PCP2: variants seen among roughly 807,000 people sequenced by gnomAD.
PCP2 encodes the protein Purkinje cell protein 2 homolog.
PCP2 carries 21 observed loss-of-function variants against 18.3 expected under a neutral mutation model. The ratio of observed to expected loss-of-function variants is 1.14; its 90% CI spans 0.81 to 1.65. PCP2 has a LOEUF of 1.65. Ranked by LOEUF, PCP2 falls within the 40% of genes most tolerant of loss-of-function variation. The pLI, the probability that PCP2 is intolerant of heterozygous loss-of-function variation, is 0.00. For missense variants in PCP2, 202 were observed against 201.8 expected, an observed-to-expected ratio of 1.00 and a Z score of 0.00; for synonymous variants, 85 against 77.6, an observed-to-expected ratio of 1.10 and a Z score of -0.50.
chr19:7,634,259 T>C (rs1361621341), upstream of PCP2, among the ~76,000 whole-genome samples: 5 of 152,102 alleles, frequency 3.3e-5, no homozygotes, highest in Non-Finnish European at 1.5e-5. Flanking sequence ...TTTCCCTCAG[T>C]GCCCAAGCAG....
chr19:7,633,075 G>T, intron 1 of PCP2: 1 of 1,296,862 alleles, frequency 7.7e-7, no homozygotes, highest in South Asian at 1.5e-5. Flanking sequence ...ACCGCTTCAA[G>T]GGACAGGCTC....
chr19:7,636,276 A>T (rs534419879), upstream of PCP2: 1 of 152,152 alleles, frequency 6.6e-6, no homozygotes, highest in Non-Finnish European at 1.5e-5. Flanking sequence ...TCGCACCTTA[A>T]ATCGGAGACC....
chr19:7,631,785 C>G lies in PCP2; in HGVS notation c.315G>C (p.Gly105=), dbSNP rs150093748. Residue 105 remains glycine, a synonymous_variant, in exon 4 of 4, where the codon GGG becomes GGC. Transcript: ENST00000311069. The part of the protein sequence containing the change: ...GSKDGAQKRA[G]TLSPQPLLTP... ...TGAGCAGGGGTTGGGGACTGAGGGT[C>G]CCAGCTCGTTTCTGTGCTCCGTCCT... 1.3e-5 allele frequency: 18 copies of G among 1,416,800 alleles called. No homozygotes were observed. The highest frequency in any genetic ancestry group is 1.7e-5 in the Non-Finnish European group (18 of 1,081,092). The allele number at this position is 1,416,800 out of a possible 1,614,324, so 87.8% of individuals were successfully genotyped here.
chr19:7,633,096 C>T, intron 1 of PCP2: 1 of 1,166,172 alleles, frequency 8.6e-7, no homozygotes, highest in Non-Finnish European at 1.2e-6. Flanking sequence ...CGATGCGTGT[C>T]CCGCCGTCCT....
rs189368660 is a variant in PCP2, at chr19:7,632,826, C to A, written c.56G>T (p.Gly19Val). Residue 19 changes from glycine to valine, a missense_variant, in exon 2 of 4, where the codon GGC becomes GTC. Coordinates refer to ENST00000311069, the MANE Select transcript of PCP2 (RefSeq NM_174895.3). The surrounding 1 kb of genome is among the most constrained non-coding windows in gnomAD (Gnocchi z 5.2). ...EEGSGPCAEA[G>V]SPDQEGFFNL... ...GAAGAAGCCCTCCTGGTCTGGGGAG[C>A]CCGCCTGGGGACAGACTCGCTCAGT... 2,922 of 1,549,988 alleles carry A rather than the reference C, an allele frequency of 1.9e-3. 88 individuals carry two copies. In the Admixed American group the frequency reaches 0.052, roughly 28 times the overall value.
rs375643500 is a variant in PCP2, at chr19:7,633,320, T to C, written c.51+87A>G. 2.6e-4 allele frequency: 339 copies of C among 1,328,466 alleles called. No homozygotes were observed. In the East Asian group the frequency reaches 5.5e-3, roughly 22 times the overall value. 82.3% of individuals were successfully genotyped at this position (1,328,466 alleles called of 1,614,324 possible). On this transcript the variant is annotated intron_variant, in intron 1 of 3. Transcript: ENST00000311069. Reference sequence around the variant, plus strand: ...CAGGGGGTCCTAGGAGACTCACTCGTTAATTAGGTGCCCTACAAACTAGTC... The same window carrying C: ...CAGGGGGTCCTAGGAGACTCACTCGCTAATTAGGTGCCCTACAAACTAGTC...
Position 7,633,435 on chromosome 19 carries a change from G to A in PCP2, c.23C>T (p.Thr8Met), listed in dbSNP as rs779376158. 27 of 1,577,046 alleles carry A rather than the reference G, an allele frequency of 1.7e-5. No individual in the cohort carries two copies. Among genetic ancestry groups the A allele is most frequent in the South Asian group, 2.3e-5 (2 of 86,180 alleles). Residue 8 changes from threonine (T) to methionine (M), a missense_variant, in exon 1 of 4, where the codon ACG becomes ATG. By Grantham distance (81) the Thr-to-Met change is moderately conservative (BLOSUM62 -1). Coordinates refer to ENST00000311069, the MANE Select transcript of PCP2 (RefSeq NM_174895.3). ...GGCACAGGGGCCTGAGCCTTCCTCC[G>A]TCTTCTCCTCCTGATCCATCATGTC... The part of the protein sequence containing the change: MMDQEEK[T>M]EEGSGPCAEA...
chr19:7,636,910 G>A (rs142321580), upstream of PCP2: 95 of 392,996 alleles, frequency 2.4e-4, 1 homozygote, highest in East Asian at 2.9e-3. Context: ...CCATCTGTGA[G>A]CGTGTCGTCG....
chr19:7,636,209 A>G (rs1468436692), upstream of PCP2: 1 of 152,104 alleles, frequency 6.6e-6, no homozygotes, highest in Non-Finnish European at 1.5e-5. Flanking sequence ...ACCTTCATCA[A>G]CACGGCCGAG....
In PCP2 at chr19:7,633,434, C is replaced by A; in HGVS notation, c.24G>T (p.Thr8=). Residue 8 remains threonine, a synonymous_variant, in exon 1 of 4, where the codon ACG becomes ACT. Transcript: ENST00000311069. The stretch of plus-strand genomic sequence containing the variant: ...CGGCACAGGGGCCTGAGCCTTCCTC[C>A]GTCTTCTCCTCCTGATCCATCATGT... MMDQEEK[T]EEGSGPCAEA... The A allele has an allele frequency of 6.3e-7, 1 of 1,576,302 alleles. No individual in the cohort carries two copies. The highest frequency in any genetic ancestry group is 2.3e-5 in the East Asian group (1 of 43,462).
upstream of PCP2, chr19:7,636,770 C>T: frequency 4.6e-6 from 1 of 216,548 alleles, no homozygotes; most frequent in Non-Finnish European, 9.1e-6. Flanking sequence ...CAGGCCCAGA[C>T]AGTGGCGGCC....
chr19:7,635,725 A>T (rs2031502779), upstream of PCP2, among the ~76,000 whole-genome samples: 1 of 152,052 alleles, frequency 6.6e-6, no homozygotes, highest in African/African-American at 2.4e-5. Context: ...AAAAATGGGG[A>T]GGAGGGAGAA....
Position 7,633,459 on chromosome 19 carries a change from T to C in PCP2, c.-2A>G. The C allele has an allele frequency of 6.3e-7, 1 of 1,574,814 alleles. No individual in the cohort carries two copies. The highest frequency in any genetic ancestry group is 8.6e-7 in the Non-Finnish European group (1 of 1,158,700). On this transcript the variant is annotated 5_prime_UTR_variant, in exon 1 of 4. Coordinates refer to ENST00000311069, the MANE Select transcript of PCP2 (RefSeq NM_174895.3). ...CGTCTTCTCCTCCTGATCCATCATG[T>C]CCCTGGACTCCAGTCACTTTTCTGC...
chr19:7,633,184 C>G (rs545203405), intron 1 of PCP2, among the ~76,000 whole-genome samples: 1 of 152,320 alleles, frequency 6.6e-6, no homozygotes. Flanking sequence ...ACCCCCAGGT[C>G]CCAGCATCTC....
upstream of PCP2, among the ~76,000 whole-genome samples, chr19:7,635,858 C>G (rs1281795941): frequency 3.3e-5 from 5 of 152,218 alleles, no homozygotes; most frequent in Admixed American, 6.5e-5. Context: ...GTCCTGCATC[C>G]TGGCACTGGG....
rs983248822 is a variant in PCP2, at chr19:7,632,072, C to T, written c.292-264G>A. On this transcript the variant is annotated intron_variant, in intron 3 of 3. Transcript: ENST00000311069. This position sits in a 1 kb window ranked among gnomAD's most constrained non-coding sequence, Gnocchi z 5.2. The stretch of plus-strand genomic sequence containing the variant: ...GATGTGAGTATACAGATGTATATAT[C>T]CTATGTGTGAGCTTACGTGACTTCC... The T allele has an allele frequency of 2.4e-5, 13 of 551,176 alleles. No individual in the cohort carries two copies. The highest frequency in any genetic ancestry group is 2.0e-4 in the Admixed American group (6 of 30,024). 34.1% of individuals were successfully genotyped at this position (551,176 alleles called of 1,614,324 possible).
Position 7,632,913 on chromosome 19 carries a change from T to G in PCP2, c.52-83A>C. ...CTTCCTAGCCAGCTTGCTCACACCC[T>G]GACCCCGGGGCCTGCCGTCCCCACT... On this transcript the variant is annotated intron_variant, in intron 1 of 3. Transcript: ENST00000311069. The surrounding 1 kb of genome is among the most constrained non-coding windows in gnomAD (Gnocchi z 5.2). The G allele has an allele frequency of 6.6e-7, 1 of 1,511,120 alleles. No individual in the cohort carries two copies. The highest frequency in any genetic ancestry group is 8.8e-7 in the Non-Finnish European group (1 of 1,132,134). The allele number at this position is 1,511,120 out of a possible 1,614,324, so 93.6% of individuals were successfully genotyped here.
At position 7,633,332 on chromosome 19, in the gene PCP2, C is replaced by A; in HGVS notation, c.51+75G>T. On this transcript the variant is annotated intron_variant, in intron 1 of 3. Transcript: ENST00000311069. ...GGAGACTCACTCGTTAATTAGGTGC[C>A]CTACAAACTAGTCTTGTCAATCATG... 3 of 1,373,078 alleles carry A rather than the reference C, an allele frequency of 2.2e-6. No homozygotes were observed. The South Asian group carries it at 3.8e-5, about 17-fold the overall frequency. 85.1% of individuals were successfully genotyped at this position (1,373,078 alleles called of 1,614,324 possible).
Position 7,632,421 on chromosome 19 carries a change from A to G in PCP2, c.263T>C (p.Leu88Pro), listed in dbSNP as rs1183296713. The G allele has an allele frequency of 6.2e-7, 1 of 1,613,820 alleles. No homozygotes were observed. Among genetic ancestry groups the G allele is most frequent in the Non-Finnish European group, 8.5e-7 (1 of 1,179,978 alleles). ...MDDQRVTVSSLPGFQPVGSKD... is the reference protein window; with the variant it reads ...MDDQRVTVSSPPGFQPVGSKD... ...GGACCCCACGGGCTGGAAGCCGGGC[A>G]GGCTGCTGACTGTCACACGTTGGTC... The change falls in exon 3 of 4, where the codon CTG becomes CCG. Residue 88 changes from leucine to proline, a missense_variant. Leu to Pro is a moderately conservative substitution (Grantham distance 98). Coordinates refer to ENST00000311069, the MANE Select transcript of PCP2 (RefSeq NM_174895.3). The surrounding 1 kb of genome is among the most constrained non-coding windows in gnomAD (Gnocchi z 5.2).
Sources: allele counts gnomAD v4.1 joint callset (sites outside exome capture counted in the v4.1 genomes callset), GRCh38; gene constraint gnomAD v4.1.1; non-coding constraint Gnocchi (gnomAD v3.1); transcripts MANE v1.5; gene names NCBI Gene and HGNC (gene_info 2026-07-23, HGNC 2026-07-21).